The following KLK13 variants were observed in gnomAD, a reference collection of about 807,000 sequenced individuals.
KLK13 encodes the protein kallikrein related peptidase 13.
A neutral mutation model predicts 22.4 loss-of-function variants in KLK13; 19 were observed. That is an observed-to-expected ratio of 0.85 (90% CI 0.59 to 1.24). The LOEUF is 1.24. KLK13 is among the 50% of genes most tolerant of loss of function. KLK13 has a pLI of 0.00. For missense variants in KLK13, 311 were observed against 347.9 expected, an observed-to-expected ratio of 0.89 and a Z score of 0.84; for synonymous variants, 156 against 141.8, an observed-to-expected ratio of 1.10 and a Z score of -0.71.
chr19:51,065,459 C>T (rs1036750666), upstream of KLK13, among the ~76,000 whole-genome samples: 3 of 152,122 alleles, frequency 2.0e-5, no homozygotes, highest in South Asian at 2.1e-4. Context: ...AAGTTCTTAT[C>T]TGTCCGCGCC....
chr19:51,055,700 G>A lies in KLK13; in HGVS notation c.*887C>T, dbSNP rs1177191630. 1.3e-5 allele frequency among the ~76,000 whole-genome samples: 2 copies of A among 152,144 alleles called. No individual in the cohort carries two copies. Among genetic ancestry groups the A allele is most frequent in the Non-Finnish European group, 2.9e-5 (2 of 68,034 alleles). On this transcript the variant is annotated 3_prime_UTR_variant, in exon 5 of 5. Transcript: ENST00000595793. ...AAAATTATGAACCCATTTTACAGAT[G>A]AGAAAGCACAGAGACTGTGAGTTTT...
intron 4 of KLK13, among the ~76,000 whole-genome samples, chr19:51,057,356 T>C (rs1052434269): frequency 6.6e-5 from 10 of 152,260 alleles, no homozygotes; most frequent in Non-Finnish European, 1.2e-4. Context: ...TCTTTATTGA[T>C]GAAGGCTATT....
At chr19:51,060,803 G>A (rs1417365472) in intron 1 of KLK13, among the ~76,000 whole-genome samples, 184 bp from the exon 2 acceptor site, 1 of 152,082 alleles carries the variant, frequency 6.6e-6, no homozygotes, top group Non-Finnish European at 1.5e-5. Context: ...AGGGCAAAGG[G>A]GTGACATTAT....
chr19:51,061,555 C>A (rs2091731795), intron 1 of KLK13, among the ~76,000 whole-genome samples: 1 of 152,240 alleles, frequency 6.6e-6, no homozygotes, highest in Admixed American at 6.5e-5. Context: ...TTCTTTCCTT[C>A]ATCACTCACA....
intron 3 of KLK13, 108 bp from the exon 4 acceptor site, chr19:51,058,782 G>A: frequency 9.2e-7 from 1 of 1,092,030 alleles, no homozygotes. Flanking sequence ...AATTGAGATG[G>A]GAAGAGAAAG....
In KLK13 at chr19:51,060,112, G is replaced by A. The variant is rs1246335809; in HGVS notation, c.240-19C>T. 1.9e-6 allele frequency: 3 copies of A among 1,612,016 alleles called. No homozygotes were observed. The highest frequency in any genetic ancestry group is 2.5e-6 in the Non-Finnish European group (3 of 1,179,382). On this transcript the variant is annotated intron_variant, in intron 2 of 4. Coordinates refer to ENST00000595793, the MANE Select transcript of KLK13 (RefSeq NM_015596.3). ...GAGCCCCCTGTGGGTGCAGAAAGAA[G>A]GTGGTTAGGAAAGAAGATGAGCCCA...
rs146981809 is a variant in KLK13, at chr19:51,055,850, A to T, written c.*737T>A. Among the ~76,000 whole-genome samples the T allele has an allele frequency of 6.8e-4, 104 of 152,308 alleles. 3 individuals carry two copies. Among genetic ancestry groups the T allele is most frequent in the African/African-American group, 2.5e-3 (103 of 41,544 alleles). ...AAGACGGAATATTTGGTAGACAATA[A>T]AGTTCAGGCAAGAAGACCCTTTGGT... is the stretch of plus-strand genomic sequence containing the variant. On this transcript the variant is annotated 3_prime_UTR_variant, in exon 5 of 5. Coordinates refer to ENST00000595793, the MANE Select transcript of KLK13 (RefSeq NM_015596.3).
intron 1 of KLK13, chr19:51,063,937 C>A (rs2091753265): frequency 4.7e-6 from 2 of 429,856 alleles, no homozygotes; most frequent in Non-Finnish European, 9.4e-6. Context: ...CCGCTAGACT[C>A]CAGGTGCTGA....
chr19:51,058,398 G>A, intron 4 of KLK13, 140 bp downstream of exon 4: 2 of 982,050 alleles, frequency 2.0e-6, no homozygotes, highest in Non-Finnish European at 3.0e-6. Flanking sequence ...TTTTTGTCTT[G>A]ACCTCCTATG....
rs772154541 is a variant in KLK13, at chr19:51,058,577, C to T, written c.606G>A (p.Leu202=). The T allele has an allele frequency of 2.5e-6, 4 of 1,614,176 alleles. No individual in the cohort carries two copies. The highest frequency in any genetic ancestry group is 3.4e-6 in the Non-Finnish European group (4 of 1,180,032). The change falls in exon 4 of 5, where the codon TTG becomes TTA. Residue 202 remains leucine, a synonymous_variant. Coordinates refer to ENST00000595793, the MANE Select transcript of KLK13 (RefSeq NM_015596.3). ...TGCCACCCTCTTTTGTGCCGGCACA[C>T]AACATGTTGTCAGTGATCTTTCCTG... ...VYPGKITDNM[L]CAGTKEGGKD...
At chr19:51,064,797 T>G (rs1035133120) in intron 1 of KLK13, 1 of 617,290 alleles carries the variant, frequency 1.6e-6, no homozygotes. Context: ...GCGAGGGTAT[T>G]TTGGGAGGTG....
rs372211156 is a variant in KLK13 at position 51,058,633 on chromosome 19, G to A, written c.550C>T (p.Arg184Cys). Reference sequence around the variant, plus strand: ...ACTTGACGACACTCCTCATCTGAGCGAAGTTGGATGTTGGCACATTGTAGA... The same window carrying A: ...ACTTGACGACACTCCTCATCTGAGCAAAGTTGGATGTTGGCACATTGTAGA... ...KTLQCANIQL[R>C]SDEECRQVYP... The change falls in exon 4 of 5, where the codon CGC becomes TGC. Residue 184 changes from arginine to cysteine, a missense_variant. Coordinates refer to ENST00000595793, the MANE Select transcript of KLK13 (RefSeq NM_015596.3). 38 of 1,614,040 alleles carry A rather than the reference G, an allele frequency of 2.4e-5. No individual in the cohort carries two copies. The highest frequency in any genetic ancestry group is 1.6e-4 in the African/African-American group (12 of 74,898).
Position 51,056,249 on chromosome 19 carries a change from G to A in KLK13, c.*338C>T, listed in dbSNP as rs1258206655. The A allele has an allele frequency of 1.1e-5, 3 of 274,390 alleles. No individual in the cohort carries two copies. Among genetic ancestry groups the A allele is most frequent in the African/African-American group, 6.6e-5 (3 of 45,552 alleles). The allele number at this position is 274,390 out of a possible 1,614,324, so 17.0% of individuals were successfully genotyped here. ...TATAGGACATATATTGTTGAGATGG[G>A]CTGATGGAAATATTTAAGAATGTGC... is the stretch of plus-strand genomic sequence containing the variant. On this transcript the variant is annotated 3_prime_UTR_variant, in exon 5 of 5. Coordinates refer to ENST00000595793, the MANE Select transcript of KLK13 (RefSeq NM_015596.3).
chr19:51,059,322 A>G (rs2091703835), intron 3 of KLK13, among the ~76,000 whole-genome samples: 1 of 148,222 alleles, frequency 6.7e-6, no homozygotes, highest in Non-Finnish European at 1.5e-5. Flanking sequence ...TAGAAATATA[A>G]ACATTTTATA....
At chr19:51,056,918 C>T in intron 4 of KLK13, 143 bp from the exon 5 acceptor site, 1 of 630,434 alleles carries the variant, frequency 1.6e-6, no homozygotes, top group Non-Finnish European at 2.7e-6. Context: ...GTCAGACACA[C>T]ACAGTGTGAG....
intron 1 of KLK13, among the ~76,000 whole-genome samples, chr19:51,064,113 T>C (rs2122716072): frequency 6.6e-6 from 1 of 152,102 alleles, no homozygotes; most frequent in Admixed American, 6.5e-5. Flanking sequence ...GACTACCAAT[T>C]TGGGGTGAGG....
upstream of KLK13, chr19:51,065,101 C>CGGGGGGGGGG: frequency 2.3e-6 from 1 of 431,732 alleles, no homozygotes; most frequent in Non-Finnish European, 4.4e-6. Context: ...GCAGGGCGGG[C>CGGGGGGGGGG]GGGGCCTGAG....
At chr19:51,064,809 A>G (rs12979090) in intron 1 of KLK13, 255,112 of 613,490 alleles carry the variant, frequency 0.42, 55,926 homozygotes, top group African/African-American at 0.66. Context: ...TGGGAGGTGA[A>G]GGGTCTGGGG....
chr19:51,062,635 A>G (rs1301950442), intron 1 of KLK13, among the ~76,000 whole-genome samples: 1 of 152,178 alleles, frequency 6.6e-6, no homozygotes, highest in African/African-American at 2.4e-5. Flanking sequence ...GGAGAATCCA[A>G]TCCTGAACAT....
Sources: allele counts gnomAD v4.1 joint callset (sites outside exome capture counted in the v4.1 genomes callset), GRCh38; gene constraint gnomAD v4.1.1; transcripts MANE v1.5; gene names NCBI Gene and HGNC (gene_info 2026-07-23, HGNC 2026-07-21).